PHF14: variants seen among roughly 807,000 people sequenced by gnomAD.
PHF14 encodes PHD finger protein 14.
In PHF14, 55 loss-of-function variants were observed where a neutral mutation model predicts 117.9. The observed-to-expected ratio is 0.47, with a 90% CI of 0.38 to 0.58. PHF14 has a LOEUF of 0.58. PHF14 is among the 20% of genes least tolerant of loss of function. The probability of loss-of-function intolerance (pLI) is 0.00; values close to 1 mark genes in which losing one functional copy is unlikely to be tolerated. For synonymous variants in PHF14, 409 were observed against 368.6 expected (o/e 1.11, Z -1.26); for missense variants, 978 against 1,122.2 (o/e 0.87, Z 1.84).
chr7:11,052,525 A>T (rs1411068804), intron 14 of PHF14, among the ~76,000 whole-genome samples: 1 of 151,226 alleles, frequency 6.6e-6, no homozygotes, highest in Non-Finnish European at 1.5e-5. Context: ...TAAGTTACAG[A>T]CTATCTGCAT....
At chr7:11,103,724 C>A (rs927800732) in intron 16 of PHF14, 56 of 984,234 alleles carry the variant, frequency 5.7e-5, no homozygotes, top group African/African-American at 3.5e-5. Context: ...TATAGATAAT[C>A]AAAAGCAATT....
At chr7:11,149,205 T>TA (rs34002606) in intron 17 of PHF14, among the ~76,000 whole-genome samples, 85,053 of 151,878 alleles carry the variant, frequency 0.56, 25,850 homozygotes, top group East Asian at 0.85. Flanking sequence ...ACAGTTGTTT[T>TA]AAAAGATGTA....
intron 11 of PHF14, 94 bp from the exon 12 acceptor site, chr7:11,040,578 A>G (rs1433576534): frequency 1.0e-5 from 5 of 499,134 alleles, no homozygotes; most frequent in East Asian, 6.9e-5. Flanking sequence ...TAACAATCCT[A>G]CTATATTTAC....
chr7:11,049,885 C>T (rs17163921), intron 13 of PHF14, among the ~76,000 whole-genome samples: 2,819 of 152,198 alleles, frequency 0.019, 69 homozygotes, highest in East Asian at 0.1. Context: ...GATAACCTGC[C>T]AGCTATATTT....
intron 17 of PHF14, among the ~76,000 whole-genome samples, chr7:11,134,083 G>T (rs1019745892): frequency 6.6e-6 from 1 of 151,928 alleles, no homozygotes; most frequent in Non-Finnish European, 1.5e-5. Flanking sequence ...GTCTTGTCAG[G>T]AGTCAGAATT....
chr7:11,023,610 T>TGAGATTAGGAGTTC (rs1421047215), intron 6 of PHF14, among the ~76,000 whole-genome samples: 1 of 152,220 alleles, frequency 6.6e-6, no homozygotes, highest in East Asian at 1.9e-4. Flanking sequence ...GCAGATCACC[T>TGAGATTAGGAGTTC]GAGATTAGGA....
chr7:11,111,007 A>G (rs1043319768), intron 16 of PHF14: 3 of 164,842 alleles, frequency 1.8e-5, no homozygotes, highest in African/African-American at 4.8e-5. Flanking sequence ...TGGGCAAATG[A>G]TTAATTCTTT....
intron 4 of PHF14, among the ~76,000 whole-genome samples, chr7:11,010,635 CAT>C (rs909176524): frequency 1.3e-4 from 20 of 151,386 alleles, no homozygotes; most frequent in South Asian, 2.1e-4. Flanking sequence ...TCCATATATA[CAT>C]ATATATATAC....
chr7:10,979,525 ATTTC>A (rs1399084575), intron 2 of PHF14, among the ~76,000 whole-genome samples: 2 of 145,278 alleles, frequency 1.4e-5, no homozygotes, highest in Non-Finnish European at 3.0e-5. Context: ...TCTCCAGTAT[ATTTC>A]TTTTTTTCCT....
At chr7:11,014,159 G>A (rs1023834446) in intron 5 of PHF14, among the ~76,000 whole-genome samples, 8 of 152,100 alleles carry the variant, frequency 5.3e-5, no homozygotes, top group Admixed American at 5.2e-4. Context: ...GAGGCAGGTG[G>A]TAACGTTTCT....
chr7:11,085,054 T>G (rs1786333872), intron 16 of PHF14, among the ~76,000 whole-genome samples: 1 of 152,192 alleles, frequency 6.6e-6, no homozygotes, highest in Admixed American at 6.5e-5. Flanking sequence ...AATTTACATT[T>G]TTTTGTGTTG....
intron 11 of PHF14, 33 bp from the exon 12 acceptor site, chr7:11,040,639 A>G (rs1784472577): frequency 8.6e-7 from 1 of 1,162,504 alleles, no homozygotes; most frequent in Non-Finnish European, 1.2e-6. Flanking sequence ...TCTTTCTTAA[A>G]ACAATATATA....
intron 16 of PHF14, among the ~76,000 whole-genome samples, chr7:11,080,802 A>G (rs924560005): frequency 3.3e-5 from 5 of 152,206 alleles, no homozygotes; most frequent in African/African-American, 1.2e-4. Flanking sequence ...GAGCAAATGC[A>G]TTAGAGGGCC....
intron 7 of PHF14, among the ~76,000 whole-genome samples, chr7:11,031,159 A>T (rs1784108464): frequency 6.6e-6 from 1 of 152,064 alleles, no homozygotes; most frequent in African/African-American, 2.4e-5. Flanking sequence ...AGTTGGATTT[A>T]CTACTTTTTC....
chr7:11,018,951 A>G (rs1783628498), intron 5 of PHF14, among the ~76,000 whole-genome samples: 1 of 152,020 alleles, frequency 6.6e-6, no homozygotes, highest in Non-Finnish European at 1.5e-5. Context: ...TGATGAAGGG[A>G]TGTTGAATTT....
rs1784821367 is a variant in PHF14 at position 11,050,452 on chromosome 7, A to G, written c.2313-1160A>G. 2.6e-5 allele frequency among the ~76,000 whole-genome samples: 4 copies of G among 152,280 alleles called. No homozygotes were observed. The East Asian group carries it at 7.7e-4, about 29-fold the overall frequency. ...TAACAACTGGTTTTAACTTTTTGAA[A>G]TGGTCCTTTATGATTGACAATATAA... On this transcript the variant is annotated intron_variant, in intron 13 of 17. Coordinates refer to ENST00000634607, the MANE Select transcript of PHF14 (RefSeq NM_001007157.2).
chr7:11,117,651 T>G (rs979174590), intron 17 of PHF14, among the ~76,000 whole-genome samples: 1 of 90,530 alleles, frequency 1.1e-5, no homozygotes, highest in Non-Finnish European at 2.4e-5. Context: ...ATATATATTT[T>G]CAAGTAAAAC....
chr7:11,158,970 CTCAAAATTG>C (rs1447790437), intron 17 of PHF14, among the ~76,000 whole-genome samples: 4 of 152,014 alleles, frequency 2.6e-5, no homozygotes, highest in Non-Finnish European at 5.9e-5. Context: ...GTTTCTTAGT[CTCAAAATTG>C]TCAGTTTAAA....
intron 3 of PHF14, among the ~76,000 whole-genome samples, chr7:10,988,532 C>CCGT (rs1782323192): frequency 1.6e-5 from 1 of 63,106 alleles, no homozygotes; most frequent in Non-Finnish European, 3.1e-5. Flanking sequence ...AGTTTCTAGT[C>CCGT]TGTTTTTTTT....
Sources: allele counts gnomAD v4.1 joint callset (sites outside exome capture counted in the v4.1 genomes callset), GRCh38; gene constraint gnomAD v4.1.1; transcripts MANE v1.5; gene names NCBI Gene and HGNC (gene_info 2026-07-23, HGNC 2026-07-21).